CHL1: variants seen among roughly 807,000 people sequenced by gnomAD.
CHL1 encodes cell adhesion molecule L1 like.
CHL1 carries 96 observed loss-of-function variants against 141.9 expected under a neutral mutation model. That is an observed-to-expected ratio of 0.68 (90% CI 0.57 to 0.80). The LOEUF is 0.80. CHL1 is among the 30% of genes least tolerant of loss of function. The pLI is 0.00. For missense variants in CHL1, 1,820 were observed against 1,457.2 expected, an observed-to-expected ratio of 1.25 and a Z score of -4.05; for synonymous variants, 613 against 502.2, an observed-to-expected ratio of 1.22 and a Z score of -2.95.
chr3:405,659 G>T lies in CHL1; in HGVS notation c.3623G>T (p.Gly1208Val). The change falls in exon 28 of 28, where the codon GGA becomes GTA. Residue 1208 changes from glycine to valine, a missense_variant. Transcript: ENST00000256509. ...GCCTACGCTGGATCTAAGGAGAAGGGATCTGTTGAAAGCAATGGAAGTTCT... is the reference window on the plus strand; with the variant it reads ...GCCTACGCTGGATCTAAGGAGAAGGTATCTGTTGAAAGCAATGGAAGTTCT... ...IGAYAGSKEK[G>V]SVESNGSSTA... 1 of 1,613,478 alleles carries T rather than the reference G, an allele frequency of 6.2e-7. No homozygotes were observed. Among genetic ancestry groups the T allele is most frequent in the Non-Finnish European group, 8.5e-7 (1 of 1,179,568 alleles).
At chr3:357,905 C>G (rs1703859739) in intron 11 of CHL1, among the ~76,000 whole-genome samples, 1 of 152,110 alleles carries the variant, frequency 6.6e-6, no homozygotes, top group African/African-American at 2.4e-5. Flanking sequence ...TCTTAGGACC[C>G]TGAGTGGGGT....
In CHL1 at chr3:259,345, T is replaced by C. The variant is rs961665305; in HGVS notation, c.-95+14653T>C. Reference sequence around the variant, plus strand: ...ATGCGTGTGTGTGTGTGTGATATAGTGGGGGTGGGGCAGGAGATAGGAATT... The same window carrying C: ...ATGCGTGTGTGTGTGTGTGATATAGCGGGGGTGGGGCAGGAGATAGGAATT... On this transcript the variant is annotated intron_variant, in intron 2 of 27. Transcript: ENST00000256509. 8.6e-5 allele frequency among the ~76,000 whole-genome samples: 13 copies of C among 151,860 alleles called. No individual in the cohort carries two copies. The East Asian group carries it at 2.5e-3, about 29-fold the overall frequency.
chr3:391,623 T>G (rs748537582), intron 22 of CHL1, 52 bp from the exon 23 acceptor site: 10 of 1,380,156 alleles, frequency 7.2e-6, no homozygotes, highest in Admixed American at 6.4e-5. Flanking sequence ...AATAAGGCTT[T>G]TTTGAATTTT....
intron 10 of CHL1, among the ~76,000 whole-genome samples, chr3:350,179 C>A (rs1177470633): frequency 6.6e-6 from 1 of 152,208 alleles, no homozygotes; most frequent in African/African-American, 2.4e-5. Context: ...AAGTCATCTT[C>A]TCTCTGTAAA....
intron 1 of CHL1, among the ~76,000 whole-genome samples, chr3:231,348 C>T (rs56760191): frequency 0.018 from 2,740 of 152,100 alleles, 72 homozygotes; most frequent in African/African-American, 0.064. Flanking sequence ...TCATCATTAC[C>T]ACTGCCACTT....
intron 1 of CHL1, among the ~76,000 whole-genome samples, chr3:234,193 G>GTGTA (rs1491408201): frequency 6.9e-6 from 1 of 144,212 alleles, no homozygotes; most frequent in African/African-American, 2.6e-5. Context: ...GTGTGTGTGT[G>GTGTA]TATATATATA....
At chr3:312,897 C>A (rs1226681053) in intron 2 of CHL1, among the ~76,000 whole-genome samples, 2 of 152,164 alleles carry the variant, frequency 1.3e-5, no homozygotes, top group Non-Finnish European at 1.5e-5. Flanking sequence ...CATAAAATAT[C>A]TCTTCCTGCT....
chr3:295,107 C>A (rs1332285541), intron 2 of CHL1, among the ~76,000 whole-genome samples: 1 of 152,100 alleles, frequency 6.6e-6, no homozygotes, highest in African/African-American at 2.4e-5. Flanking sequence ...TAGCCATAAA[C>A]AGGAGTCTAC....
At chr3:276,874 G>C (rs995323967) in intron 2 of CHL1, among the ~76,000 whole-genome samples, 1 of 125,970 alleles carries the variant, frequency 7.9e-6, no homozygotes, top group Non-Finnish European at 1.6e-5. Context: ...GGGTGAAAGA[G>C]GAAGACTCCG....
At chr3:391,603 T>C in intron 22 of CHL1, 72 bp from the exon 23 acceptor site, 1 of 1,030,340 alleles carries the variant, frequency 9.7e-7, no homozygotes, top group Non-Finnish European at 1.4e-6. Flanking sequence ...TTCTATAAAA[T>C]TTATAATATA....
At position 348,698 on chromosome 3, in the gene CHL1, T is replaced by C. The variant is rs760695431; in HGVS notation, c.849-661T>C. Among the ~76,000 whole-genome samples, 106 of 152,324 alleles carry C rather than the reference T, an allele frequency of 7.0e-4. 2 individuals carry two copies. Among genetic ancestry groups the C allele is most frequent in the Admixed American group, 2.5e-3 (38 of 15,304 alleles). ...GTTTTGACTGGGTGAGCTAATCTTT[T>C]GAAAGCGCTAAGCAAGGGAAGATTT... On this transcript the variant is annotated intron_variant, in intron 9 of 27. Transcript: ENST00000256509.
At chr3:275,163 G>C (rs1454988746) in intron 2 of CHL1, among the ~76,000 whole-genome samples, 1 of 152,216 alleles carries the variant, frequency 6.6e-6, no homozygotes, top group Non-Finnish European at 1.5e-5. Flanking sequence ...TAAAGGAATG[G>C]GTGAGTGATT....
intron 2 of CHL1, among the ~76,000 whole-genome samples, chr3:252,790 C>T (rs75280062): frequency 7.7e-4 from 117 of 152,082 alleles, no homozygotes; most frequent in African/African-American, 2.6e-3. Flanking sequence ...TTTTCATTTA[C>T]CCTTCCATTT....
At chr3:379,519 G>A (rs1706762917) in intron 16 of CHL1, among the ~76,000 whole-genome samples, 1 of 152,044 alleles carries the variant, frequency 6.6e-6, no homozygotes, top group South Asian at 2.1e-4. Flanking sequence ...TGAGTAGAGG[G>A]GTAAGTGTCA....
At chr3:311,952 C>T (rs919382116) in intron 2 of CHL1, among the ~76,000 whole-genome samples, 3 of 152,086 alleles carry the variant, frequency 2.0e-5, no homozygotes, top group Admixed American at 1.3e-4. Context: ...AATTTTCTTT[C>T]TTAGTCTCCA....
intron 2 of CHL1, among the ~76,000 whole-genome samples, chr3:306,807 TGAAA>T (rs1338327361): frequency 3.3e-5 from 5 of 152,322 alleles, no homozygotes; most frequent in African/African-American, 1.2e-4. Context: ...TTTTCATCTC[TGAAA>T]GAATCTATTA....
intron 25 of CHL1, among the ~76,000 whole-genome samples, chr3:398,663 A>G (rs937333351): frequency 6.6e-5 from 10 of 152,228 alleles, no homozygotes; most frequent in African/African-American, 2.4e-4. Context: ...GAAAAAGCAA[A>G]ACAAAACAAA....
At chr3:281,294 C>T (rs1696630570) in intron 2 of CHL1, among the ~76,000 whole-genome samples, 1 of 152,112 alleles carries the variant, frequency 6.6e-6, no homozygotes, top group Admixed American at 6.6e-5. Context: ...CAAATTTGCC[C>T]ACAAACTTGA....
intron 2 of CHL1, among the ~76,000 whole-genome samples, chr3:313,503 A>G (rs1184231400): frequency 1.3e-5 from 2 of 152,150 alleles, no homozygotes; most frequent in African/African-American, 4.8e-5. Context: ...CATTAGAGCC[A>G]TTAGAGAACC....
Sources: allele counts gnomAD v4.1 joint callset (sites outside exome capture counted in the v4.1 genomes callset), GRCh38; gene constraint gnomAD v4.1.1; transcripts MANE v1.5; gene names NCBI Gene and HGNC (gene_info 2026-07-23, HGNC 2026-07-21).